CADPS: variants seen among roughly 807,000 people sequenced by gnomAD.
CADPS encodes the protein calcium-dependent secretion activator 1.
A neutral mutation model predicts 167.3 loss-of-function variants in CADPS; 57 were observed. The ratio of observed to expected loss-of-function variants is 0.34; its 90% CI spans 0.28 to 0.42. The LOEUF (loss-of-function observed/expected upper bound fraction) is 0.42, where lower values mean the gene tolerates loss of function less well. Among genes scored for constraint, CADPS ranks in the 20% least tolerant of loss-of-function variants. The pLI is 1.00. For synonymous variants in CADPS, 676 were observed against 635.3 expected (o/e 1.06, Z -0.96); for missense variants, 1,414 against 1,738.1 (o/e 0.81, Z 3.32).
chr3:62,425,643 G>A (rs942081007), intron 28 of CADPS, among the ~76,000 whole-genome samples: 9 of 152,132 alleles, frequency 5.9e-5, no homozygotes, highest in African/African-American at 1.2e-4. Context: ...CAAGTTTCTC[G>A]AGCAGCGAAT....
At chr3:62,790,740 C>T (rs941274905) in intron 1 of CADPS, among the ~76,000 whole-genome samples, 1 of 152,158 alleles carries the variant, frequency 6.6e-6, no homozygotes, top group Non-Finnish European at 1.5e-5. Flanking sequence ...GCTCTATTGA[C>T]AACGACTATG....
At chr3:62,580,307 A>G in intron 8 of CADPS, among the ~76,000 whole-genome samples, 1 of 152,178 alleles carries the variant, frequency 6.6e-6, no homozygotes, top group Non-Finnish European at 1.5e-5. Context: ...GAAACTGGAA[A>G]TCATCATTCT....
intron 3 of CADPS, among the ~76,000 whole-genome samples, chr3:62,682,783 A>G (rs2077358612): frequency 6.6e-6 from 1 of 152,044 alleles, no homozygotes; most frequent in African/African-American, 2.4e-5. Flanking sequence ...TGAAGAGTAT[A>G]AAGAAACTGT....
At chr3:62,836,866 A>T (rs906333886) in intron 1 of CADPS, among the ~76,000 whole-genome samples, 3 of 152,108 alleles carry the variant, frequency 2.0e-5, no homozygotes, top group African/African-American at 7.2e-5. Context: ...TAAAAGAAAG[A>T]ATCAGGAACA....
At chr3:62,569,449 C>T (rs778688609) in intron 9 of CADPS, among the ~76,000 whole-genome samples, 2 of 152,290 alleles carry the variant, frequency 1.3e-5, no homozygotes, top group Non-Finnish European at 2.9e-5. Context: ...ATGTTCTTTG[C>T]GGCTAAATCA....
chr3:62,405,361 G>A (rs1708050998), intron 28 of CADPS, among the ~76,000 whole-genome samples: 1 of 151,660 alleles, frequency 6.6e-6, no homozygotes, highest in African/African-American at 2.4e-5. Context: ...TGTGACAACA[G>A]GCAAACCGGC....
Position 62,650,864 on chromosome 3 carries a change from G to T in CADPS, c.1186C>A (p.Leu396Met). 6.2e-7 allele frequency: 1 copy of T among 1,613,808 alleles called. No individual in the cohort carries two copies. The highest frequency in any genetic ancestry group is 8.5e-7 in the Non-Finnish European group (1 of 1,179,806). The change falls in exon 5 of 30, where the codon CTG becomes ATG. Residue 396 changes from leucine (L) to methionine (M), a missense_variant. Transcript: ENST00000383710. ...ENQLSKSDVVLSFSLEVVIME... is the reference protein window; with the variant it reads ...ENQLSKSDVVMSFSLEVVIME... ...CTTTTTACCTCCAATGAGAAAGACA[G>T]CACGACATCTGACTTGGAGAGCTGG...
At chr3:62,817,636 A>G (rs1298439305) in intron 1 of CADPS, among the ~76,000 whole-genome samples, 1 of 152,186 alleles carries the variant, frequency 6.6e-6, no homozygotes, top group Non-Finnish European at 1.5e-5. Context: ...TTTACTCAGT[A>G]ATTGGATAAA....
At chr3:62,558,990 C>G (rs11919358) in intron 9 of CADPS, among the ~76,000 whole-genome samples, 2,606 of 152,078 alleles carry the variant, frequency 0.017, 58 homozygotes, top group African/African-American at 0.06. Flanking sequence ...GGGGTCCCAT[C>G]CCAGCTCTGA....
At chr3:62,792,698 C>G (rs2093054159) in intron 1 of CADPS, among the ~76,000 whole-genome samples, 1 of 152,270 alleles carries the variant, frequency 6.6e-6, no homozygotes, top group South Asian at 2.1e-4. Context: ...TAGGCTCAAA[C>G]AATCCCCCTG....
chr3:62,476,846 G>T (rs1167233041), intron 23 of CADPS, among the ~76,000 whole-genome samples: 2 of 152,146 alleles, frequency 1.3e-5, no homozygotes, highest in Non-Finnish European at 2.9e-5. Context: ...TTTTTTTATG[G>T]AATGGTTTGG....
intron 3 of CADPS, among the ~76,000 whole-genome samples, chr3:62,664,241 C>T (rs1031079628): frequency 8.5e-5 from 13 of 152,166 alleles, no homozygotes; most frequent in African/African-American, 2.2e-4. Flanking sequence ...CTCCTGACCT[C>T]GTGATACGCC....
intron 6 of CADPS, among the ~76,000 whole-genome samples, chr3:62,603,868 C>T (rs2060315081): frequency 6.6e-6 from 1 of 151,974 alleles, no homozygotes; most frequent in Non-Finnish European, 1.5e-5. Flanking sequence ...GCTCTGTCAC[C>T]CAGGCTGGAG....
chr3:62,705,022 T>C (rs553207317), intron 3 of CADPS, among the ~76,000 whole-genome samples: 1 of 152,116 alleles, frequency 6.6e-6, no homozygotes, highest in Non-Finnish European at 1.5e-5. Flanking sequence ...TGCACCTTGA[T>C]GATGCTTGGG....
At chr3:62,588,203 A>G (rs2085085443) in intron 7 of CADPS, among the ~76,000 whole-genome samples, 1 of 151,900 alleles carries the variant, frequency 6.6e-6, no homozygotes, top group Non-Finnish European at 1.5e-5. Context: ...ATATCTCTTC[A>G]GTACCTCTTG....
chr3:62,675,212 AG>A (rs1224546000), intron 3 of CADPS, among the ~76,000 whole-genome samples: 1 of 152,148 alleles, frequency 6.6e-6, no homozygotes. Context: ...ACTGAAAGCC[AG>A]TTTGCTGAAA....
chr3:62,721,849 G>T (rs2075895181), intron 3 of CADPS, among the ~76,000 whole-genome samples: 2 of 152,270 alleles, frequency 1.3e-5, no homozygotes, highest in South Asian at 4.1e-4. Flanking sequence ...AGAGGTAGGG[G>T]AAGTTTAAGT....
At chr3:62,637,186 T>C (rs2066469534) in intron 6 of CADPS, among the ~76,000 whole-genome samples, 1 of 152,116 alleles carries the variant, frequency 6.6e-6, no homozygotes, top group Admixed American at 6.6e-5. Flanking sequence ...GGCAGTTGTG[T>C]CTTGTCTCTC....
intron 1 of CADPS, among the ~76,000 whole-genome samples, chr3:62,813,834 G>C (rs1306460037): frequency 1.3e-5 from 2 of 152,028 alleles, no homozygotes; most frequent in Non-Finnish European, 2.9e-5. Flanking sequence ...ACATACAAGT[G>C]GCCAACAAAC....
Sources: gnomAD v4.1 joint callset for allele counts (sites outside exome capture counted in the v4.1 genomes callset) on GRCh38, gnomAD v4.1.1 for gene constraint, MANE v1.5 for transcripts, NCBI Gene and HGNC (gene_info 2026-07-23, HGNC 2026-07-21) for gene names.